ENAH: variants seen among roughly 807,000 people sequenced by gnomAD.
ENAH encodes the protein ENAH actin regulator.
ENAH carries 23 observed loss-of-function variants against 78.7 expected under a neutral mutation model. That is an observed-to-expected ratio of 0.29 (90% CI 0.21 to 0.41). The LOEUF (loss-of-function observed/expected upper bound fraction) is 0.41. Among genes scored for constraint, ENAH ranks in the 10% least tolerant of loss-of-function variants. The pLI is 1.00. For missense variants in ENAH, 544 were observed against 691.0 expected (o/e 0.79, Z 2.39); for synonymous variants, 226 against 241.0 (o/e 0.94, Z 0.58).
intron 12 of ENAH, 37 bp downstream of exon 12, chr1:225,500,955 A>C: frequency 6.3e-7 from 1 of 1,584,664 alleles, no homozygotes; most frequent in Non-Finnish European, 8.6e-7. Context: ...AAAAAGAAAC[A>C]AGTACAAATA....
At chr1:225,521,775 A>G (rs2096470208) in intron 4 of ENAH, among the ~76,000 whole-genome samples, 1 of 151,970 alleles carries the variant, frequency 6.6e-6, no homozygotes, top group South Asian at 2.1e-4. Flanking sequence ...TGTGGGCTAT[A>G]ACGATAGTTT....
intron 2 of ENAH, among the ~76,000 whole-genome samples, chr1:225,559,943 G>A (rs577728501): frequency 3.3e-5 from 5 of 152,302 alleles, no homozygotes; most frequent in African/African-American, 1.2e-4. Context: ...ACCATGGGAA[G>A]CATTGGGAGT....
At chr1:225,518,029 A>G in intron 5 of ENAH, 1 of 1,496,658 alleles carries the variant, frequency 6.7e-7, no homozygotes, top group Non-Finnish European at 8.9e-7. Context: ...AAGACAGGAT[A>G]AAAAAGGAGA....
intron 1 of ENAH, among the ~76,000 whole-genome samples, chr1:225,648,123 A>T (rs1662310189): frequency 6.6e-6 from 1 of 152,170 alleles, no homozygotes; most frequent in African/African-American, 2.4e-5. Context: ...CTGAAGAAGC[A>T]TCCACTGAAG....
chr1:225,555,424 T>C (rs1575511279), intron 2 of ENAH, among the ~76,000 whole-genome samples: 1 of 151,892 alleles, frequency 6.6e-6, no homozygotes, highest in African/African-American at 2.4e-5. Flanking sequence ...CTACTAAAAA[T>C]ACAAAAAATT....
intron 1 of ENAH, among the ~76,000 whole-genome samples, chr1:225,570,882 G>T (rs973417289): frequency 6.6e-6 from 1 of 152,084 alleles, no homozygotes; most frequent in East Asian, 1.9e-4. Context: ...AGAATCGCTT[G>T]AACCTGGGAG....
chr1:225,519,330 G>T lies in ENAH; in HGVS notation c.670C>A (p.Arg224=). 1 of 1,613,368 alleles carries T rather than the reference G, an allele frequency of 6.2e-7. No homozygotes were observed. Among genetic ancestry groups the T allele is most frequent in the Non-Finnish European group, 8.5e-7 (1 of 1,179,750 alleles). ...ERLERQERLD[R]ERQERQERER... ...CGTTCTTGTCTTTCTTGCCTCTCCC[G>T]ATCCAGGCGTTCCTGCCGCTCCAGG... The change falls in exon 5 of 14, where the codon CGG becomes AGG. Residue 224 remains arginine, a synonymous_variant. Coordinates refer to ENST00000366843, the MANE Select transcript of ENAH (RefSeq NM_018212.6).
intron 1 of ENAH, among the ~76,000 whole-genome samples, chr1:225,616,621 C>A (rs1655755807): frequency 6.6e-6 from 1 of 151,962 alleles, no homozygotes; most frequent in South Asian, 2.1e-4. Context: ...ATAAAATATT[C>A]TTCTAGGAAA....
Position 225,519,585 on chromosome 1 carries a change from A to G in ENAH, c.435-20T>C, listed in dbSNP as rs754933985. The G allele has an allele frequency of 2.5e-6, 4 of 1,579,076 alleles. No individual in the cohort carries two copies. In the Admixed American group the frequency reaches 7.5e-5, roughly 29 times the overall value. ...AGTTGTCTGGAAAAAAAAAAAAAAA[A>G]GTAAAAACATGCATCTATGGCTACT... On this transcript the variant is annotated intron_variant, in intron 4 of 13. Transcript: ENST00000366843.
At chr1:225,517,475 G>A (rs1243258561) in intron 5 of ENAH, 169 bp from the exon 6 acceptor site, 2 of 1,551,568 alleles carry the variant, frequency 1.3e-6, no homozygotes, top group Non-Finnish European at 1.7e-6. Context: ...GGAGACACTG[G>A]ATATGTTACA....
At chr1:225,634,244 C>T (rs1050989750) in intron 1 of ENAH, among the ~76,000 whole-genome samples, 1 of 152,152 alleles carries the variant, frequency 6.6e-6, no homozygotes, top group Non-Finnish European at 1.5e-5. Context: ...AAGTAGGAAA[C>T]GGCATGAATG....
chr1:225,518,133 G>A (rs1025100515), intron 5 of ENAH: 11 of 642,212 alleles, frequency 1.7e-5, no homozygotes, highest in Non-Finnish European at 2.5e-5. Flanking sequence ...AGGCACAAAC[G>A]CAAATAACTA....
At chr1:225,538,602 T>C (rs1183402654) in intron 3 of ENAH, among the ~76,000 whole-genome samples, 1 of 36,324 alleles carries the variant, frequency 2.8e-5, no homozygotes, top group Non-Finnish European at 5.0e-5. Flanking sequence ...ACTGTATATA[T>C]GATTGGGTTT....
chr1:225,512,317 T>C (rs2096383626), intron 9 of ENAH, among the ~76,000 whole-genome samples: 1 of 152,194 alleles, frequency 6.6e-6, no homozygotes, highest in Admixed American at 6.5e-5. Context: ...TTTAGGCGAA[T>C]TCCTTCCTTT....
At chr1:225,548,518 C>A (rs1490132536) in intron 3 of ENAH, among the ~76,000 whole-genome samples, 1 of 152,182 alleles carries the variant, frequency 6.6e-6, no homozygotes, top group Non-Finnish European at 1.5e-5. Flanking sequence ...CCCTCAAAGG[C>A]GTTTTTAAAA....
intron 1 of ENAH, among the ~76,000 whole-genome samples, chr1:225,606,593 A>G (rs768765695): frequency 7.2e-5 from 11 of 152,130 alleles, no homozygotes; most frequent in Non-Finnish European, 1.3e-4. Context: ...CACGCCTATA[A>G]TTCTAACACT....
intron 3 of ENAH, among the ~76,000 whole-genome samples, chr1:225,537,722 CTT>C (rs11321329): frequency 1.3e-3 from 184 of 146,826 alleles, no homozygotes; most frequent in East Asian, 2.8e-3. Context: ...GGCCTATTGA[CTT>C]TTTTTTTTTT....
chr1:225,579,074 T>C (rs1370228166), intron 1 of ENAH, among the ~76,000 whole-genome samples: 1 of 152,212 alleles, frequency 6.6e-6, no homozygotes, highest in African/African-American at 2.4e-5. Context: ...ACCGTTAATA[T>C]CCCCATTTTA....
At chr1:225,504,005 C>T (rs2096305561) in intron 11 of ENAH, among the ~76,000 whole-genome samples, 1 of 148,970 alleles carries the variant, frequency 6.7e-6, no homozygotes. Context: ...GTTTTTATTT[C>T]ACTTTTTTTT....
Sources: gnomAD v4.1 joint callset for allele counts (sites outside exome capture counted in the v4.1 genomes callset) on GRCh38, gnomAD v4.1.1 for gene constraint, MANE v1.5 for transcripts, NCBI Gene and HGNC (gene_info 2026-07-23, HGNC 2026-07-21) for gene names.